The following ANXA4 variants were observed in gnomAD, a reference collection of about 807,000 sequenced individuals.
ANXA4 encodes the protein 35-beta calcimedin.
In ANXA4, 39 loss-of-function variants were observed where a neutral mutation model predicts 49.8. That is an observed-to-expected ratio of 0.78 (90% confidence interval 0.61 to 1.02). The LOEUF is 1.02. Among genes scored for constraint, ANXA4 ranks in the 50% least tolerant of loss-of-function variants. ANXA4 has a pLI of 0.00. For synonymous variants in ANXA4, 134 were observed against 152.5 expected (o/e 0.88, Z 0.89); for missense variants, 360 against 410.1 (o/e 0.88, Z 1.05).
intron 2 of ANXA4, among the ~76,000 whole-genome samples, chr2:69,703,365 A>T (rs1303976791): frequency 1.3e-5 from 2 of 151,614 alleles, no homozygotes; most frequent in Non-Finnish European, 2.9e-5. Flanking sequence ...CTAATTTTAC[A>T]TTTTTTTCAT....
At chr2:69,759,986 C>G (rs1172871114) in intron 1 of ANXA4, among the ~76,000 whole-genome samples, 1 of 152,100 alleles carries the variant, frequency 6.6e-6, no homozygotes, top group Non-Finnish European at 1.5e-5. Context: ...GTGCCCGCCA[C>G]CATGCCCGGC....
chr2:69,802,346 G>A (rs1673237639), intron 3 of ANXA4, among the ~76,000 whole-genome samples: 1 of 152,170 alleles, frequency 6.6e-6, no homozygotes, highest in Non-Finnish European at 1.5e-5. Flanking sequence ...GTGAAAGAAT[G>A]CAAAAGAGGC....
intron 3 of ANXA4, among the ~76,000 whole-genome samples, chr2:69,799,965 TG>T (rs1376183147): frequency 6.6e-6 from 1 of 152,240 alleles, no homozygotes; most frequent in African/African-American, 2.4e-5. Flanking sequence ...ATGCTTTCCA[TG>T]GGTTATCTGT....
At chr2:69,800,529 T>G (rs1673146808) in intron 3 of ANXA4, among the ~76,000 whole-genome samples, 1 of 152,188 alleles carries the variant, frequency 6.6e-6, no homozygotes, top group African/African-American at 2.4e-5. Flanking sequence ...TATGATTAAT[T>G]CATAATATAA....
intron 1 of ANXA4, among the ~76,000 whole-genome samples, chr2:69,764,431 C>T (rs1425330447): frequency 6.6e-6 from 1 of 152,178 alleles, no homozygotes; most frequent in Non-Finnish European, 1.5e-5. Flanking sequence ...GAGGATTTTA[C>T]TCATGATGCT....
intron 12 of ANXA4, among the ~76,000 whole-genome samples, chr2:69,824,395 C>T (rs1191993153): frequency 3.3e-5 from 5 of 151,108 alleles, no homozygotes; most frequent in Non-Finnish European, 1.5e-5. Context: ...GCCAGCTACG[C>T]AGGCAGCTGA....
intron 1 of ANXA4, among the ~76,000 whole-genome samples, chr2:69,758,081 C>T (rs184517748): frequency 1.3e-5 from 2 of 151,462 alleles, no homozygotes; most frequent in Non-Finnish European, 2.9e-5. Flanking sequence ...AACATGAAAA[C>T]AAATATTTGC....
At chr2:69,761,908 C>T (rs1189803743) in intron 1 of ANXA4, among the ~76,000 whole-genome samples, 1 of 151,796 alleles carries the variant, frequency 6.6e-6, no homozygotes, top group Admixed American at 6.6e-5. Context: ...TAAAATATTG[C>T]ATCAGTGCCT....
intron 1 of ANXA4, among the ~76,000 whole-genome samples, chr2:69,651,527 G>C (rs942642805): frequency 1.3e-5 from 2 of 151,954 alleles, no homozygotes; most frequent in Non-Finnish European, 2.9e-5. Context: ...TTTTGAGACA[G>C]AGTCTCGCTC....
At chr2:69,662,654 G>A (rs949558147) in intron 2 of ANXA4, among the ~76,000 whole-genome samples, 23 of 152,104 alleles carry the variant, frequency 1.5e-4, no homozygotes, top group African/African-American at 5.5e-4. Flanking sequence ...ACTTTTCTTT[G>A]GGGACTCTAA....
intron 3 of ANXA4, among the ~76,000 whole-genome samples, chr2:69,730,946 T>C (rs959624476): frequency 5.3e-5 from 8 of 152,174 alleles, no homozygotes; most frequent in Non-Finnish European, 1.0e-4. Flanking sequence ...TAAGGCAAAA[T>C]TATGTCTCCA....
chr2:69,801,610 G>A (rs998213397), intron 3 of ANXA4, among the ~76,000 whole-genome samples: 1 of 151,968 alleles, frequency 6.6e-6, no homozygotes, highest in Non-Finnish European at 1.5e-5. Context: ...TACCATGTTG[G>A]CCAGGCTGGT....
At chr2:69,673,291 G>A (rs571857804) in intron 2 of ANXA4, among the ~76,000 whole-genome samples, 158 of 152,242 alleles carry the variant, frequency 1.0e-3, no homozygotes, top group Non-Finnish European at 1.9e-3. Context: ...TAAACAAAAT[G>A]TGGCACATAT....
chr2:69,700,011 A>G (rs1371344517), intron 2 of ANXA4, among the ~76,000 whole-genome samples: 3 of 152,254 alleles, frequency 2.0e-5, no homozygotes, highest in Admixed American at 2.0e-4. Flanking sequence ...GTGAGCACCC[A>G]GAGAGAATGG....
Position 69,789,972 on chromosome 2 carries a change from G to A in ANXA4, c.97+1831G>A, listed in dbSNP as rs117958356. ...TATTAAGACCCACTGTTTTACTGGG[G>A]CCCACTGTGTAAATGTGAAGTTTGG... On this transcript the variant is annotated intron_variant, in intron 3 of 12. Transcript: ENST00000394295. Among the ~76,000 whole-genome samples the A allele has an allele frequency of 5.6e-4, 85 of 152,186 alleles. 1 individual carries two copies. In the East Asian group the frequency reaches 0.012, roughly 22 times the overall value.
chr2:69,707,718 C>T (rs1678542681), intron 2 of ANXA4, among the ~76,000 whole-genome samples: 1 of 152,206 alleles, frequency 6.6e-6, no homozygotes, highest in Non-Finnish European at 1.5e-5. Context: ...AACATTTATC[C>T]TTTGTGTTAC....
intron 2 of ANXA4, among the ~76,000 whole-genome samples, chr2:69,687,507 CAAA>C (rs796158761): frequency 8.4e-6 from 1 of 119,416 alleles, no homozygotes; most frequent in African/African-American, 3.1e-5. Flanking sequence ...GACCCTGTCT[CAAA>C]AAAAAAAAAA....
rs1671105822 is a variant in ANXA4 at position 69,757,443 on chromosome 2, T to TG, written c.-47+15268_-47+15269insG. 2.1e-5 allele frequency among the ~76,000 whole-genome samples: 3 copies of TG among 145,702 alleles called. No individual in the cohort carries two copies. The South Asian group carries it at 6.6e-4, about 32-fold the overall frequency. ...CTATCACCACGCCTAATTTTTTGTT[T>TG]TTTTTTTTTTTAGTAGAGACAGGGT... is the stretch of plus-strand genomic sequence containing the variant. On this transcript the variant is annotated intron_variant, in intron 1 of 12. Transcript: ENST00000394295.
chr2:69,724,640 G>A (rs918065067), intron 3 of ANXA4, among the ~76,000 whole-genome samples: 27 of 151,490 alleles, frequency 1.8e-4, no homozygotes, highest in African/African-American at 6.0e-4. Context: ...ACCCACCACC[G>A]GCAGTCCACT....
Sources: gnomAD v4.1 joint callset for allele counts (sites outside exome capture counted in the v4.1 genomes callset) on GRCh38, gnomAD v4.1.1 for gene constraint, MANE v1.5 for transcripts, NCBI Gene and HGNC (gene_info 2026-07-23, HGNC 2026-07-21) for gene names.